NSUN7: variants seen among roughly 807,000 people sequenced by gnomAD.
NSUN7 encodes NOP2/Sun RNA methyltransferase family member 7.
A neutral mutation model predicts 58.5 loss-of-function variants in NSUN7; 39 were observed. That is an observed-to-expected ratio of 0.67 (90% CI 0.52 to 0.87). The LOEUF is 0.87. Among genes scored for constraint, NSUN7 ranks in the 40% least tolerant of loss-of-function variants. The pLI, the probability that NSUN7 is intolerant of heterozygous loss-of-function variation, is 0.00. For missense variants in NSUN7, 765 were observed against 844.1 expected, an observed-to-expected ratio of 0.91 and a Z score of 1.16; for synonymous variants, 278 against 303.7, an observed-to-expected ratio of 0.92 and a Z score of 0.88.
intron 8 of NSUN7, among the ~76,000 whole-genome samples, chr4:40,791,002 A>G (rs963602178): frequency 2.0e-5 from 3 of 152,184 alleles, no homozygotes; most frequent in Non-Finnish European, 2.9e-5. Flanking sequence ...GCTGGCCAGT[A>G]TGCTATTCTG....
At position 40,807,069 on chromosome 4, in the gene NSUN7, C is replaced by T. The variant is rs1221219639; in HGVS notation, c.1409C>T (p.Pro470Leu). Residue 470 changes from proline to leucine, a missense_variant, in exon 11 of 12, where the codon CCT becomes CTT. Coordinates refer to ENST00000381782, the MANE Select transcript of NSUN7 (RefSeq NM_024677.6). Reference sequence around the variant, plus strand: ...GTTCCTGTCTGCTGCAGGCTTAGTCCTCCTGTTCTTCCACTGTGCTCCTTA... The same window carrying T: ...GTTCCTGTCTGCTGCAGGCTTAGTCTTCCTGTTCTTCCACTGTGCTCCTTA... Reference protein sequence around the residue: ...GNKGQPYRLSPPVLPLCSLKE... With the variant: ...GNKGQPYRLSLPVLPLCSLKE... The T allele has an allele frequency of 1.3e-6, 2 of 1,551,618 alleles. No individual in the cohort carries two copies. Among genetic ancestry groups the T allele is most frequent in the East Asian group, 2.4e-5 (1 of 40,894 alleles).
In NSUN7 at chr4:40,799,236, C is replaced by G. The variant is rs1334915188; in HGVS notation, c.1400+332C>G. Among the ~76,000 whole-genome samples, 5 of 151,532 alleles carry G rather than the reference C, an allele frequency of 3.3e-5. No individual in the cohort carries two copies. The East Asian group carries it at 9.7e-4, about 29-fold the overall frequency. On this transcript the variant is annotated intron_variant, in intron 10 of 11. Coordinates refer to ENST00000381782, the MANE Select transcript of NSUN7 (RefSeq NM_024677.6). ...AAGTGGCTGGGATTACAGGCAAGTG[C>G]CACCACGCCAGGCTAATTTTTGTAT...
At chr4:40,792,737 A>G (rs994653045) in intron 8 of NSUN7, among the ~76,000 whole-genome samples, 13 of 148,788 alleles carry the variant, frequency 8.7e-5, no homozygotes, top group South Asian at 6.5e-4. Context: ...GGGCGACAGC[A>G]AGACTCCATC....
intron 7 of NSUN7, among the ~76,000 whole-genome samples, chr4:40,780,792 C>CATATAT (rs765088042): frequency 4.1e-5 from 4 of 98,754 alleles, no homozygotes; most frequent in South Asian, 3.0e-4. Flanking sequence ...CACACATACA[C>CATATAT]ATATATATAT....
At chr4:40,798,992 C>A in intron 10 of NSUN7, 88 bp downstream of exon 10, 1 of 412,086 alleles carries the variant, frequency 2.4e-6, no homozygotes, top group Non-Finnish European at 3.9e-6. Context: ...TAAAGACATT[C>A]TACTTTTTAA....
chr4:40,807,511 G>A (rs906762682), intron 11 of NSUN7, among the ~76,000 whole-genome samples: 12 of 151,866 alleles, frequency 7.9e-5, no homozygotes, highest in Admixed American at 3.3e-4. Flanking sequence ...CACCATGCCC[G>A]GCTAATTTTT....
chr4:40,802,316 T>C (rs1743620714), intron 10 of NSUN7, among the ~76,000 whole-genome samples: 1 of 150,916 alleles, frequency 6.6e-6, no homozygotes, highest in African/African-American at 2.4e-5. Flanking sequence ...TAGTTTTGAG[T>C]GGGTTTCTTC....
intron 4 of NSUN7, among the ~76,000 whole-genome samples, chr4:40,764,049 T>A (rs73810646): frequency 0.017 from 2,535 of 151,938 alleles, 66 homozygotes; most frequent in African/African-American, 0.058. Context: ...GTCTTCTTTG[T>A]TTTTTTTAAT....
At chr4:40,797,016 A>G (rs547306047) in intron 9 of NSUN7, among the ~76,000 whole-genome samples, 3 of 152,130 alleles carry the variant, frequency 2.0e-5, no homozygotes, top group African/African-American at 7.2e-5. Context: ...AGTGATCCCC[A>G]TGCTGTTGTG....
rs1479412903 is a variant in NSUN7, at chr4:40,807,100, A to G, written c.1440A>G (p.Glu480=). Residue 480 remains glutamate, a synonymous_variant, in exon 11 of 12, where the codon GAA becomes GAG. Coordinates refer to ENST00000381782, the MANE Select transcript of NSUN7 (RefSeq NM_024677.6). Reference sequence around the variant, plus strand: ...TTCTTCCACTGTGCTCCTTAAAGGAAATTCAATTGTCTACTGATAAATTTT... The same window carrying G: ...TTCTTCCACTGTGCTCCTTAAAGGAGATTCAATTGTCTACTGATAAATTTT... ...PPVLPLCSLK[E]IQLSTDKFFR... 7.1e-6 allele frequency: 11 copies of G among 1,551,598 alleles called. No homozygotes were observed. In the South Asian group the frequency reaches 1.3e-4, roughly 18 times the overall value.
At chr4:40,765,679 C>A (rs1453095136) in intron 4 of NSUN7, among the ~76,000 whole-genome samples, 1 of 152,116 alleles carries the variant, frequency 6.6e-6, no homozygotes, top group African/African-American at 2.4e-5. Flanking sequence ...GGTAGTATGG[C>A]CATTTTCACG....
At chr4:40,780,377 G>A (rs1577565344) in intron 7 of NSUN7, among the ~76,000 whole-genome samples, 1 of 152,124 alleles carries the variant, frequency 6.6e-6, no homozygotes, top group South Asian at 2.1e-4. Context: ...TGAGGCTGAG[G>A]CAGGTGGATT....
rs1399135776 is a variant in NSUN7, at chr4:40,785,598, T to C, written c.1037-5004T>C. Among the ~76,000 whole-genome samples, 8 of 152,280 alleles carry C rather than the reference T, an allele frequency of 5.3e-5. No homozygotes were observed. In the East Asian group the frequency reaches 1.5e-3, roughly 29 times the overall value. The stretch of plus-strand genomic sequence containing the variant: ...CTGGTTGTGAACTCCTGACCTCAGG[T>C]GATCCACCCGCCTCGGCCTCCCAAA... On this transcript the variant is annotated intron_variant, in intron 7 of 11. Transcript: ENST00000381782.
At chr4:40,774,987 A>T (rs759191589) in intron 6 of NSUN7, 37 bp downstream of exon 6, 2 of 859,668 alleles carry the variant, frequency 2.3e-6, no homozygotes, top group Admixed American at 5.1e-5. Context: ...ATTCTCAACA[A>T]TCCAACCTAG....
chr4:40,796,124 T>C (rs577725898), intron 9 of NSUN7, among the ~76,000 whole-genome samples: 1 of 152,292 alleles, frequency 6.6e-6, no homozygotes, highest in Admixed American at 6.5e-5. Context: ...TCCCAGTACT[T>C]TGGGAGGCCA....
intron 7 of NSUN7, among the ~76,000 whole-genome samples, chr4:40,779,007 GAATAC>G (rs1742400270): frequency 6.6e-6 from 1 of 152,082 alleles, no homozygotes. Flanking sequence ...ACAGTAAAGG[GAATAC>G]TAAAGATACA....
At chr4:40,776,439 A>G in intron 7 of NSUN7, 180 bp downstream of exon 7, 1 of 462,936 alleles carries the variant, frequency 2.2e-6, no homozygotes, top group Admixed American at 3.9e-5. Flanking sequence ...TGGTTAAACA[A>G]CTGTGGGTTA....
In NSUN7 at chr4:40,795,917, T is replaced by C. The variant is rs1005345396; in HGVS notation, c.1282+1441T>C. On this transcript the variant is annotated intron_variant, in intron 9 of 11. Transcript: ENST00000381782. Reference sequence around the variant, plus strand: ...GTTTACTTATTATGTGCCTGGCACCTGCTGCTTACTTTATATGTATCATTT... The same window carrying C: ...GTTTACTTATTATGTGCCTGGCACCCGCTGCTTACTTTATATGTATCATTT... Among the ~76,000 whole-genome samples the C allele has an allele frequency of 6.6e-5, 10 of 152,248 alleles. 1 individual carries two copies.
intron 7 of NSUN7, chr4:40,786,583 T>G: frequency 6.2e-7 from 1 of 1,613,364 alleles, no homozygotes; most frequent in Non-Finnish European, 8.5e-7. Context: ...TGACCTGAGT[T>G]CATCAACTCC....
Sources: gnomAD v4.1 joint callset for allele counts (sites outside exome capture counted in the v4.1 genomes callset) on GRCh38, gnomAD v4.1.1 for gene constraint, MANE v1.5 for transcripts, NCBI Gene and HGNC (gene_info 2026-07-23, HGNC 2026-07-21) for gene names.